The following ABCC11 variants were observed in gnomAD, a reference collection of about 807,000 sequenced individuals.
The protein encoded by ABCC11 is ATP binding cassette subfamily C member 11.
In ABCC11, 135 loss-of-function variants were observed where a neutral mutation model predicts 149.3. That is an observed-to-expected ratio of 0.90 (90% CI 0.79 to 1.04). The LOEUF is 1.04. ABCC11 is among the 50% of genes least tolerant of loss of function. The pLI is 0.00. For missense variants in ABCC11, 1,680 were observed against 1,722.1 expected (o/e 0.98, Z 0.43); for synonymous variants, 665 against 671.4 (o/e 0.99, Z 0.15).
In ABCC11 at chr16:48,247,516, GT is replaced by G. The variant is rs1477320042; in HGVS notation, c.-222del. On this transcript the variant is annotated 5_prime_UTR_variant, in exon 1 of 30. Transcript: ENST00000356608. ...TTCCTTGGTGGTTTTGAGTAGTACA[GT>G]CCCTTTCTGCACGTTAGTGTGCAGG... is the stretch of plus-strand genomic sequence containing the variant. 1 of 151,512 alleles carries G rather than the reference GT, an allele frequency of 6.6e-6. No individual in the cohort carries two copies. The highest frequency in any genetic ancestry group is 1.9e-4 in the East Asian group (1 of 5,204). 9.4% of individuals were successfully genotyped at this position (151,512 alleles called of 1,614,324 possible).
chr16:48,187,384 C>T lies in ABCC11; in HGVS notation c.2750G>A (p.Gly917Asp), dbSNP rs966893173. 16 of 1,613,924 alleles carry T rather than the reference C, an allele frequency of 9.9e-6. No homozygotes were observed. Among genetic ancestry groups the T allele is most frequent in the Non-Finnish European group, 1.4e-5 (16 of 1,179,990 alleles). The change falls in exon 21 of 30, where the codon GGC (glycine) becomes GAC (aspartate). Residue 917 changes from glycine (G) to aspartate (D), a missense_variant. Gly to Asp is a moderately conservative substitution (Grantham distance 94, BLOSUM62 -1). Transcript: ENST00000356608. ...CCCTGCGAAGCAGTTCAAAAGCCGGCCTATTGGGATGGTGTCAAAGAAACT... is the reference window on the plus strand; with the variant it reads ...CCCTGCGAAGCAGTTCAAAAGCCGGTCTATTGGGATGGTGTCAAAGAAACT... ...PMSFFDTIPI[G>D]RLLNCFAGDL...
intron 1 of ABCC11, among the ~76,000 whole-genome samples, chr16:48,240,699 A>G (rs1970922569): frequency 6.6e-6 from 1 of 152,028 alleles, no homozygotes; most frequent in Admixed American, 6.5e-5. Context: ...TTGGTGCAAA[A>G]GTAATTGCGG....
chr16:48,221,557 G>A (rs1266506397), intron 6 of ABCC11, among the ~76,000 whole-genome samples: 2 of 152,106 alleles, frequency 1.3e-5, no homozygotes, highest in Non-Finnish European at 2.9e-5. Flanking sequence ...ACCAAAAATT[G>A]CTTTTCCCTG....
intron 7 of ABCC11, 72 bp from the exon 8 acceptor site, chr16:48,215,416 C>T: frequency 6.5e-7 from 1 of 1,542,322 alleles, no homozygotes; most frequent in South Asian, 1.2e-5. Context: ...GAGAGTTCAG[C>T]CTGGCATAAG....
intron 1 of ABCC11, among the ~76,000 whole-genome samples, chr16:48,246,983 A>G (rs1971422313): frequency 4.9e-5 from 1 of 20,400 alleles, no homozygotes; most frequent in Non-Finnish European, 9.7e-5. Context: ...CTTGATGTTC[A>G]TATTATTGCC....
chr16:48,203,971 T>C (rs575564698), intron 13 of ABCC11, among the ~76,000 whole-genome samples: 6 of 152,248 alleles, frequency 3.9e-5, no homozygotes, highest in Non-Finnish European at 8.8e-5. Flanking sequence ...TAGGTTATTA[T>C]TGTTTTAATG....
intron 1 of ABCC11, among the ~76,000 whole-genome samples, chr16:48,239,561 CAAAAAAAAAAAAA>C (rs756121627): frequency 2.1e-5 from 1 of 47,196 alleles, no homozygotes; most frequent in Non-Finnish European, 4.6e-5. Flanking sequence ...GACTGTGTCA[CAAAAAAAAAAAAA>C]AAAAAAAAAA....
intron 5 of ABCC11, 89 bp downstream of exon 5, chr16:48,224,193 T>C: frequency 6.8e-7 from 1 of 1,466,286 alleles, no homozygotes; most frequent in Non-Finnish European, 9.3e-7. Context: ...CATCTCTAAC[T>C]CCTGGCATGG....
At chr16:48,182,707 CA>C (rs1294568592) in intron 23 of ABCC11, among the ~76,000 whole-genome samples, 1 of 150,638 alleles carries the variant, frequency 6.6e-6, no homozygotes, top group African/African-American at 2.5e-5. Flanking sequence ...GGCATGAACC[CA>C]GGGGGTGGAG....
At chr16:48,188,516 C>T (rs746898395) in intron 20 of ABCC11, among the ~76,000 whole-genome samples, 13 of 152,224 alleles carry the variant, frequency 8.5e-5, no homozygotes, top group Admixed American at 7.9e-4. Flanking sequence ...TTGAGGGTGG[C>T]ACCTGCAAGT....
At position 48,214,959 on chromosome 16, in the gene ABCC11, C is replaced by T. The variant is rs1969218878; in HGVS notation, c.1170G>A (p.Leu390=). ...CTGTGGCCACTGTGGGGATGATGAACAAGGTTATACTTGTCAGGCTCTGGA... is the reference window on the plus strand; with the variant it reads ...CTGTGGCCACTGTGGGGATGATGAATAAGGTTATACTTGTCAGGCTCTGGA... ...GLVQSLTSIT[L]FIIPTVATAV... The change falls in exon 9 of 30, where the codon TTG becomes TTA. Residue 390 remains leucine (L), a synonymous_variant. Transcript: ENST00000356608. 1 of 1,614,142 alleles carries T rather than the reference C, an allele frequency of 6.2e-7. No homozygotes were observed. The highest frequency in any genetic ancestry group is 8.5e-7 in the Non-Finnish European group (1 of 1,180,030).
At chr16:48,244,343 T>G in intron 1 of ABCC11, 1 of 1,392,742 alleles carries the variant, frequency 7.2e-7, no homozygotes, top group South Asian at 1.4e-5. Flanking sequence ...GGGGCAGCTG[T>G]CTGTCTGGCT....
At chr16:48,202,000 A>G (rs1301736924) in intron 14 of ABCC11, among the ~76,000 whole-genome samples, 4 of 152,184 alleles carry the variant, frequency 2.6e-5, no homozygotes, top group Admixed American at 1.3e-4. Flanking sequence ...CCGTGCTTCC[A>G]GGTCACCACT....
intron 12 of ABCC11, among the ~76,000 whole-genome samples, chr16:48,206,131 G>C (rs772632769): frequency 5.9e-5 from 9 of 152,118 alleles, no homozygotes; most frequent in Non-Finnish European, 1.0e-4. Context: ...CCCATTCCCT[G>C]GCAGCCAGTG....
In ABCC11 at chr16:48,216,521, C is replaced by T. The variant is rs149427228; in HGVS notation, c.778-234G>A. On this transcript the variant is annotated intron_variant, in intron 6 of 29. Transcript: ENST00000356608. ...CATCTGTAAAGCTGGAATAATTATA[C>T]TTACTTTATATGGGTTTTGTGAGAT... Among the ~76,000 whole-genome samples the T allele has an allele frequency of 3.4e-3, 520 of 152,342 alleles. 2 individuals carry two copies. The highest frequency in any genetic ancestry group is 0.012 in the African/African-American group (498 of 41,588).
chr16:48,244,505 G>A, intron 1 of ABCC11: 3 of 1,594,874 alleles, frequency 1.9e-6, no homozygotes, highest in Non-Finnish European at 2.6e-6. Context: ...CCCGCAACCT[G>A]CAGCTGGTGC....
At chr16:48,210,739 CA>C (rs1409530274) in intron 11 of ABCC11, 46 of 744,246 alleles carry the variant, frequency 6.2e-5, no homozygotes, top group Admixed American at 1.2e-4. Flanking sequence ...TTACCTAAGC[CA>C]AAAAAATTTT....
intron 7 of ABCC11, 72 bp from the exon 8 acceptor site, chr16:48,215,416 C>A: frequency 1.9e-6 from 3 of 1,542,322 alleles, no homozygotes; most frequent in Non-Finnish European, 2.7e-6. Context: ...GAGAGTTCAG[C>A]CTGGCATAAG....
At chr16:48,240,121 C>T (rs1225536212) in intron 1 of ABCC11, among the ~76,000 whole-genome samples, 1 of 152,152 alleles carries the variant, frequency 6.6e-6, no homozygotes, top group Non-Finnish European at 1.5e-5. Flanking sequence ...TCTGGCAATT[C>T]CTCAAAGATC....
Sources: allele counts gnomAD v4.1 joint callset (sites outside exome capture counted in the v4.1 genomes callset), GRCh38; gene constraint gnomAD v4.1.1; transcripts MANE v1.5; gene names NCBI Gene and HGNC (gene_info 2026-07-23, HGNC 2026-07-21).